Variants in TULP4 observed in about 807,000 individuals in gnomAD.
TULP4 encodes the protein TUB like protein 4, also known as tubby-related protein 4.
In TULP4, 16 loss-of-function variants were observed where a neutral mutation model predicts 129.0. The ratio of observed to expected loss-of-function variants is 0.12; its 90% CI spans 0.08 to 0.19. The LOEUF is 0.19. TULP4 is among the 10% of genes least tolerant of loss of function. TULP4 has a pLI of 1.00. For synonymous variants in TULP4, 998 were observed against 854.0 expected, an observed-to-expected ratio of 1.17 and a Z score of -2.94; for missense variants, 1,842 against 2,059.1, an observed-to-expected ratio of 0.89 and a Z score of 2.04.
At chr6:158,444,015 T>C (rs9457376) in intron 3 of TULP4, among the ~76,000 whole-genome samples, 10,938 of 151,724 alleles carry the variant, frequency 0.072, 1,109 homozygotes, top group African/African-American at 0.22. Context: ...GTCAGGAGAT[T>C]GAGACCATCC....
chr6:158,261,553 TAATG>T (rs916566624), intron 1 of TULP4, among the ~76,000 whole-genome samples: 1 of 152,186 alleles, frequency 6.6e-6, no homozygotes, highest in African/African-American at 2.4e-5. Context: ...TTCAAATACT[TAATG>T]AACATAAATG....
chr6:158,414,477 C>G (rs960557893), intron 2 of TULP4, among the ~76,000 whole-genome samples: 1 of 100,208 alleles, frequency 1.0e-5, no homozygotes, highest in Non-Finnish European at 2.8e-5. Context: ...GCACCGCTTG[C>G]ATCTTATCAC....
intron 1 of TULP4, among the ~76,000 whole-genome samples, chr6:158,329,040 A>C (rs1191279452): frequency 6.6e-6 from 1 of 152,220 alleles, no homozygotes; most frequent in Non-Finnish European, 1.5e-5. Context: ...ACTGTGCAAC[A>C]GTTTGGTGTT....
rs774051910 is a variant in TULP4, at chr6:158,502,987, C to G, written c.3324C>G (p.Pro1108=). The G allele has an allele frequency of 2.9e-5, 47 of 1,613,922 alleles. No homozygotes were observed. The Admixed American group carries it at 3.0e-4, about 10-fold the overall frequency. ...CQLEKPLRHP[P]LPEAAVTLKR... ...TTGAGAAGCCCTTGAGGCACCCTCCCCTGCCTGAAGCTGCTGTCACCCTGA... is the reference window on the plus strand; with the variant it reads ...TTGAGAAGCCCTTGAGGCACCCTCCGCTGCCTGAAGCTGCTGTCACCCTGA... The change falls in exon 13 of 14, where the codon CCC becomes CCG. Residue 1108 remains proline (P), a synonymous_variant. Transcript: ENST00000367097.
At chr6:158,414,218 C>T (rs867299602) in intron 2 of TULP4, among the ~76,000 whole-genome samples, 1 of 152,216 alleles carries the variant, frequency 6.6e-6, no homozygotes. Context: ...TATTGACTGA[C>T]TGATAAGGCC....
intron 1 of TULP4, among the ~76,000 whole-genome samples, chr6:158,337,086 GTCTC>G (rs149996095): frequency 2.9e-5 from 4 of 137,338 alleles, no homozygotes; most frequent in Non-Finnish European, 4.6e-5. Flanking sequence ...CTTTCTTTCT[GTCTC>G]TCTCTCTCTC....
Position 158,498,753 on chromosome 6 carries a change from A to G in TULP4, c.1955A>G (p.Tyr652Cys), listed in dbSNP as rs1279059309. 1.9e-6 allele frequency: 3 copies of G among 1,614,208 alleles called. No individual in the cohort carries two copies. Among genetic ancestry groups the G allele is most frequent in the Middle Eastern group, 1.6e-4 (1 of 6,062 alleles). Residue 652 changes from tyrosine to cysteine, a missense_variant, in exon 12 of 14, where the codon TAT becomes TGT. Tyr to Cys is a radical substitution (Grantham distance 194). This residue lies in a region of TULP4 where 99 missense variants were observed against 165.1 expected (regional missense o/e 0.60). Coordinates refer to ENST00000367097, the MANE Select transcript of TULP4 (RefSeq NM_020245.5). The stretch of plus-strand genomic sequence containing the variant: ...GAAGTTCGGAAAATTTCCATGGACT[A>G]TATTAATTTACCTGTCTTCAACCCA... Reference protein sequence around the residue: ...LPEVRKISMDYINLPVFNPNV... With the variant: ...LPEVRKISMDCINLPVFNPNV...
At chr6:158,459,515 C>T (rs1405323091) in intron 5 of TULP4, among the ~76,000 whole-genome samples, 4 of 151,966 alleles carry the variant, frequency 2.6e-5, no homozygotes. Context: ...ATCTCGTAGA[C>T]AGAGCCTGGG....
intron 1 of TULP4, among the ~76,000 whole-genome samples, chr6:158,298,477 T>A (rs1779077076): frequency 6.6e-6 from 1 of 152,208 alleles, no homozygotes; most frequent in African/African-American, 2.4e-5. Flanking sequence ...CATCTCTCCC[T>A]TTCTTTTTAT....
In TULP4 at chr6:158,413,504, T is replaced by G. The variant is rs1000324730; in HGVS notation, c.381+311T>G. 4.6e-5 allele frequency among the ~76,000 whole-genome samples: 7 copies of G among 152,246 alleles called. No individual in the cohort carries two copies. Among genetic ancestry groups the G allele is most frequent in the Admixed American group, 6.5e-5 (1 of 15,294 alleles). ...GTGATTCCATGTTAAATTTGGGGCC[T>G]CTGGCATATCACTGTTTTGCCCCCT... On this transcript the variant is annotated intron_variant, in intron 2 of 13. Coordinates refer to ENST00000367097, the MANE Select transcript of TULP4 (RefSeq NM_020245.5). The surrounding 1 kb of genome is among the most constrained non-coding windows in gnomAD (Gnocchi z 4.9).
chr6:158,462,207 G>A (rs1227536591), intron 6 of TULP4, among the ~76,000 whole-genome samples: 1 of 152,062 alleles, frequency 6.6e-6, no homozygotes, highest in Non-Finnish European at 1.5e-5. Flanking sequence ...CATTCTCTTA[G>A]ACTACAGGCT....
intron 1 of TULP4, among the ~76,000 whole-genome samples, chr6:158,305,760 A>G (rs1286862504): frequency 1.3e-5 from 2 of 151,810 alleles, no homozygotes; most frequent in East Asian, 3.9e-4. Context: ...ACTGTGAATC[A>G]TGCCGCCATG....
In TULP4 at chr6:158,502,682, G is replaced by GC; in HGVS notation, c.3025dup (p.Leu1009ProfsTer93). 2.6e-6 allele frequency: 4 copies of GC among 1,557,720 alleles called. No homozygotes were observed. Among genetic ancestry groups the GC allele is most frequent in the Non-Finnish European group, 3.5e-6 (4 of 1,156,996 alleles). ...GGCCCAGCTGGCCGACAGCCCGCGG[G>GC]CCCCCCTGCAGCCCCTGGCCAAGTC... On this transcript the variant is annotated frameshift_variant, in exon 13 of 14. Coordinates refer to ENST00000367097, the MANE Select transcript of TULP4 (RefSeq NM_020245.5). LOFTEE classifies it high-confidence loss of function.
intron 1 of TULP4, among the ~76,000 whole-genome samples, chr6:158,332,749 A>G (rs1779940903): frequency 6.6e-6 from 1 of 151,912 alleles, no homozygotes; most frequent in African/African-American, 2.4e-5. Flanking sequence ...GGCATCTTCC[A>G]CTCTGAAGAG....
intron 1 of TULP4, among the ~76,000 whole-genome samples, chr6:158,314,919 A>T (rs1779454574): frequency 6.6e-6 from 1 of 152,230 alleles, no homozygotes; most frequent in Non-Finnish European, 1.5e-5. Flanking sequence ...AAATTCATGC[A>T]ACCAACATTT....
intron 1 of TULP4, among the ~76,000 whole-genome samples, chr6:158,411,078 C>T (rs1778087803): frequency 7.1e-6 from 1 of 139,984 alleles, no homozygotes; most frequent in Admixed American, 7.6e-5. Flanking sequence ...GTTGTCCTGG[C>T]GTACAAGGAG....
intron 1 of TULP4, among the ~76,000 whole-genome samples, chr6:158,332,972 A>G (rs1779945916): frequency 6.6e-6 from 1 of 152,166 alleles, no homozygotes; most frequent in African/African-American, 2.4e-5. Context: ...CACATTACAT[A>G]TATGTGTTTT....
chr6:158,440,853 T>C (rs1432636904), intron 3 of TULP4, among the ~76,000 whole-genome samples: 2 of 152,248 alleles, frequency 1.3e-5, no homozygotes, highest in Non-Finnish European at 2.9e-5. Context: ...GCAGCTACTA[T>C]GTTTGTACTT....
intron 3 of TULP4, among the ~76,000 whole-genome samples, chr6:158,443,143 C>T (rs1388211152): frequency 6.6e-6 from 1 of 152,118 alleles, no homozygotes; most frequent in Non-Finnish European, 1.5e-5. Context: ...ACCACCAAGC[C>T]CAGCTAACTT....
Sources: gnomAD v4.1 joint callset for allele counts (sites outside exome capture counted in the v4.1 genomes callset) on GRCh38, gnomAD v4.1.1 for gene constraint, gnomAD v4.1.1 regional missense constraint, Gnocchi (gnomAD v3.1) non-coding constraint, MANE v1.5 for transcripts, NCBI Gene and HGNC (gene_info 2026-07-23, HGNC 2026-07-21) for gene names.